The following PKHD1L1 variants were observed in gnomAD, a reference collection of about 807,000 sequenced individuals.
PKHD1L1 encodes the protein PKHD1 like 1.
A neutral mutation model predicts 462.9 loss-of-function variants in PKHD1L1; 434 were observed. The ratio of observed to expected loss-of-function variants is 0.94; its 90% confidence interval spans 0.87 to 1.02. The LOEUF (loss-of-function observed/expected upper bound fraction) is 1.02, where lower values mean the gene tolerates loss of function less well. Among genes scored for constraint, PKHD1L1 ranks in the 50% least tolerant of loss-of-function variants. The pLI, the probability that PKHD1L1 is intolerant of heterozygous loss-of-function variation, is 0.00. For missense variants in PKHD1L1, 5,202 were observed against 5,096.1 expected, an observed-to-expected ratio of 1.02 and a Z score of -0.63; for synonymous variants, 1,781 against 1,750.0, an observed-to-expected ratio of 1.02 and a Z score of -0.44.
chr8:109,415,334 C>A (rs777633491), intron 21 of PKHD1L1, among the ~76,000 whole-genome samples: 15 of 152,122 alleles, frequency 9.9e-5, no homozygotes, highest in Non-Finnish European at 1.6e-4. Flanking sequence ...ATGCATCAGC[C>A]AGTTCCCAAT....
At chr8:109,523,408 C>G in intron 76 of PKHD1L1, 22 bp downstream of exon 76, 5 of 1,591,276 alleles carry the variant, frequency 3.1e-6, no homozygotes, top group Non-Finnish European at 4.3e-6. Flanking sequence ...ATTTTGGATC[C>G]TCACATATAT....
Position 109,442,151 on chromosome 8 carries a change from A to G in PKHD1L1, c.4349A>G (p.Tyr1450Cys). The G allele has an allele frequency of 6.2e-7, 1 of 1,613,312 alleles. No individual in the cohort carries two copies. The change falls in exon 35 of 78, where the codon TAT (tyrosine) becomes TGT (cysteine). Residue 1450 changes from tyrosine to cysteine, a missense_variant. Physicochemically the swap from Tyr to Cys is radical, Grantham distance 194 (BLOSUM62 -2). This residue lies in a region of PKHD1L1 where 4,497 missense variants were observed against 4,336.8 expected (regional missense o/e 1.04). Transcript: ENST00000378402. ...GTCTCCAGTCCTGGAAGTGTAATTT[A>G]TGATGGCAAAGGATTCACAAGTGGA... ...FSVSSPGSVIYDGKGFTSGRQ... is the reference protein window; with the variant it reads ...FSVSSPGSVICDGKGFTSGRQ...
rs76957928 is a variant in PKHD1L1 at position 109,498,756 on chromosome 8, C to T, written c.10813C>T (p.Leu3605Phe). ...GIMSYNAISG[L>F]LDISGSTFVG... is the part of the protein sequence containing the mutation. ...CATGAGTTACAATGCCATCAGTGGC[C>T]TTTTGGACATCTCAGGCAAGTACAC... The change falls in exon 67 of 78, where the codon CTT becomes TTT. Residue 3605 changes from leucine to phenylalanine, a missense_variant. Transcript: ENST00000378402. The T allele has an allele frequency of 8.3e-5, 134 of 1,612,008 alleles. 1 individual carries two copies. The East Asian group carries it at 2.5e-3, about 30-fold the overall frequency.
chr8:109,508,755 C>T (rs940512410), intron 70 of PKHD1L1, among the ~76,000 whole-genome samples: 3 of 152,014 alleles, frequency 2.0e-5, no homozygotes, highest in Non-Finnish European at 4.4e-5. Flanking sequence ...CATGTTTTTT[C>T]GTCTCTAATT....
rs973793026 is a variant in PKHD1L1 at position 109,467,207 on chromosome 8, C to T, written c.8605+438C>T. ...GGTAAAGGTACAATACCTGGAACACCAGATACGCTTGGCATCATTACCTGA... is the reference window on the plus strand; with the variant it reads ...GGTAAAGGTACAATACCTGGAACACTAGATACGCTTGGCATCATTACCTGA... On this transcript the variant is annotated intron_variant, in intron 50 of 77. Coordinates refer to ENST00000378402, the MANE Select transcript of PKHD1L1 (RefSeq NM_177531.6). Among the ~76,000 whole-genome samples, 94 of 152,106 alleles carry T rather than the reference C, an allele frequency of 6.2e-4. 1 individual carries two copies. The highest frequency in any genetic ancestry group is 1.8e-4 in the Non-Finnish European group (12 of 68,032).
rs1247090095 is a variant in PKHD1L1, at chr8:109,532,463, A to C, written c.*2373A>C. ...AGTTTTATTTTTGCTTTTTTTTTGC[A>C]TTTAAATAATATTTCTCTGAACATT... On this transcript the variant is annotated 3_prime_UTR_variant, in exon 78 of 78. Coordinates refer to ENST00000378402, the MANE Select transcript of PKHD1L1 (RefSeq NM_177531.6). Among the ~76,000 whole-genome samples, 1 of 151,782 alleles carries C rather than the reference A, an allele frequency of 6.6e-6. No individual in the cohort carries two copies. Among genetic ancestry groups the C allele is most frequent in the South Asian group, 2.1e-4 (1 of 4,826 alleles).
chr8:109,456,772 T>G (rs1048497846), intron 46 of PKHD1L1, among the ~76,000 whole-genome samples: 1 of 152,196 alleles, frequency 6.6e-6, no homozygotes, highest in African/African-American at 2.4e-5. Context: ...TGCAAAAATG[T>G]AAATGAGCTT....
chr8:109,424,889 T>C (rs981367474), intron 23 of PKHD1L1, among the ~76,000 whole-genome samples, 196 bp from the exon 24 acceptor site: 4 of 152,066 alleles, frequency 2.6e-5, no homozygotes, highest in African/African-American at 9.7e-5. Context: ...GATGAATGAG[T>C]TGACTTTGGC....
rs756535950 is a variant in PKHD1L1, at chr8:109,482,985, AG to A, written c.9460del. 6.3e-7 allele frequency: 1 copy of A among 1,578,374 alleles called. No homozygotes were observed. Among genetic ancestry groups the A allele is most frequent in the South Asian group, 1.2e-5 (1 of 86,704 alleles). On this transcript the variant is annotated splice_acceptor_variant, in intron 56 of 77. Transcript: ENST00000378402. LOFTEE classifies it high-confidence loss of function. ...AAGTAGGAGTGTGCTTTTCTTCTTTAGGGGTGTTTGGTGAGCTGGATCTTCA... is the reference window on the plus strand; with the variant it reads ...AAGTAGGAGTGTGCTTTTCTTCTTTAGGGTGTTTGGTGAGCTGGATCTTCA...
At chr8:109,465,505 T>G (rs1023331120) in intron 49 of PKHD1L1, among the ~76,000 whole-genome samples, 1 of 152,130 alleles carries the variant, frequency 6.6e-6, no homozygotes, top group African/African-American at 2.4e-5. Context: ...TAACAGAAAA[T>G]TTTGGGCAAT....
intron 60 of PKHD1L1, among the ~76,000 whole-genome samples, chr8:109,490,360 G>A (rs1818767486): frequency 6.6e-6 from 1 of 151,498 alleles, no homozygotes; most frequent in Admixed American, 6.6e-5. Context: ...TTTTCCAAAT[G>A]GTTTCTAGTA....
rs1286860276 is a variant in PKHD1L1, at chr8:109,530,124, T to G, written c.*34T>G. On this transcript the variant is annotated 3_prime_UTR_variant, in exon 78 of 78. Coordinates refer to ENST00000378402, the MANE Select transcript of PKHD1L1 (RefSeq NM_177531.6). The stretch of plus-strand genomic sequence containing the variant: ...TCCGAAGAATAGGCTGAAACAAAAA[T>G]ATAAGAATTATTAGCTACTTTGTTG... 1 of 1,280,070 alleles carries G rather than the reference T, an allele frequency of 7.8e-7. No individual in the cohort carries two copies. The highest frequency in any genetic ancestry group is 1.0e-6 in the Non-Finnish European group (1 of 977,976). The allele number at this position is 1,280,070 out of a possible 1,614,324, so 79.3% of individuals were successfully genotyped here. A position where few individuals can be genotyped will look rare whatever the true frequency, so the allele number is the denominator to read the frequency against.
chr8:109,392,813 A>G (rs1024564942), intron 9 of PKHD1L1, among the ~76,000 whole-genome samples: 4 of 152,136 alleles, frequency 2.6e-5, no homozygotes, highest in African/African-American at 9.7e-5. Flanking sequence ...AAACCAATTA[A>G]AGGCCTTTCT....
chr8:109,486,665 C>T lies in PKHD1L1; in HGVS notation c.9724C>T (p.Pro3242Ser), dbSNP rs375435156. The T allele has an allele frequency of 7.4e-6, 12 of 1,611,040 alleles. No individual in the cohort carries two copies. The highest frequency in any genetic ancestry group is 1.0e-5 in the Non-Finnish European group (12 of 1,178,314). ...YTHFAEKYHV[P>S]GTGESYTLAA... is the part of the protein sequence containing the mutation. Reference sequence around the variant, plus strand: ...TACTGCAGCTGAAAAATACCATGTCCCTGGAACTGGTGAGAGCTACACGTT... The same window carrying T: ...TACTGCAGCTGAAAAATACCATGTCTCTGGAACTGGTGAGAGCTACACGTT... Residue 3242 changes from proline (P) to serine (S), a missense_variant, in exon 59 of 78, where the codon CCT becomes TCT. Physicochemically the swap from Pro to Ser is moderately conservative, Grantham distance 74 (BLOSUM62 -1). Around this residue, in one of 3 missense-constraint regions of PKHD1L1, gnomAD observed 4,497 missense variants for 4,336.8 expected, o/e 1.04. Transcript: ENST00000378402.
chr8:109,480,226 C>G, intron 55 of PKHD1L1, 87 bp downstream of exon 55: 1 of 1,386,756 alleles, frequency 7.2e-7, no homozygotes, highest in South Asian at 1.4e-5. Flanking sequence ...GAAGCATATT[C>G]AATTGGTGTG....
chr8:109,522,750 GC>G lies in PKHD1L1; in HGVS notation c.12193del (p.Gln4065SerfsTer20). 1.2e-6 allele frequency: 2 copies of G among 1,608,788 alleles called. No individual in the cohort carries two copies. The highest frequency in any genetic ancestry group is 1.7e-6 in the Non-Finnish European group (2 of 1,178,518). On this transcript the variant is annotated frameshift_variant, in exon 75 of 78. Coordinates refer to ENST00000378402, the MANE Select transcript of PKHD1L1 (RefSeq NM_177531.6). LOFTEE classifies it high-confidence loss of function. ...ATCCCTTGTGCATTCACAGGTGACT[GC>G]CCAGCCAGTTGAAAGGTCTGCATTT... ...PSDSGWIKVT[A>X]QPVERSAFPV...
At position 109,464,637 on chromosome 8, in the gene PKHD1L1, G is replaced by T; in HGVS notation, c.7805G>T (p.Cys2602Phe). The change falls in exon 49 of 78, where the codon TGT (cysteine) becomes TTT (phenylalanine). Residue 2602 changes from cysteine (C) to phenylalanine (F), a missense_variant. Transcript: ENST00000378402. ...GGGCCATCCTATGACAGAAACATTTGTCAAAAAAGAGTTCCCCTTGGCGAA... is the reference window on the plus strand; with the variant it reads ...GGGCCATCCTATGACAGAAACATTTTTCAAAAAAGAGTTCCCCTTGGCGAA... The part of the protein sequence containing the change: ...PDGPSYDRNI[C>F]QKRVPLGEFF... 5 of 1,612,500 alleles carry T rather than the reference G, an allele frequency of 3.1e-6. No individual in the cohort carries two copies. The highest frequency in any genetic ancestry group is 4.2e-6 in the Non-Finnish European group (5 of 1,179,760).
chr8:109,401,159 A>T (rs1483177189), intron 13 of PKHD1L1, among the ~76,000 whole-genome samples: 1 of 152,140 alleles, frequency 6.6e-6, no homozygotes, highest in African/African-American at 2.4e-5. Context: ...ACAGAGCAAA[A>T]GAATATTTTA....
intron 32 of PKHD1L1, 110 bp downstream of exon 32, chr8:109,439,202 C>A: frequency 1.0e-6 from 1 of 982,220 alleles, no homozygotes; most frequent in East Asian, 2.4e-5. Flanking sequence ...GTTCTCTTTA[C>A]CTTCCTATAT....
Sources: allele counts gnomAD v4.1 joint callset (sites outside exome capture counted in the v4.1 genomes callset), GRCh38; gene constraint gnomAD v4.1.1; regional missense constraint gnomAD v4.1.1; transcripts MANE v1.5; gene names NCBI Gene and HGNC (gene_info 2026-07-23, HGNC 2026-07-21).